Variants in SP110 observed in about 807,000 individuals in gnomAD.
The protein encoded by SP110 is SP110 nuclear body protein, also known as interferon-induced protein 41, 30kD.
In SP110, 62 loss-of-function variants were observed where a neutral mutation model predicts 92.7. The observed-to-expected ratio is 0.67, with a 90% CI of 0.55 to 0.83. The LOEUF (loss-of-function observed/expected upper bound fraction) is 0.83, where lower values mean the gene tolerates loss of function less well. Among genes scored for constraint, SP110 ranks in the 40% least tolerant of loss-of-function variants. SP110 has a pLI of 0.00. For synonymous variants in SP110, 273 were observed against 305.3 expected (o/e 0.89, Z 1.10); for missense variants, 793 against 863.9 (o/e 0.92, Z 1.03).
intron 2 of SP110, among the ~76,000 whole-genome samples, chr2:230,216,510 T>A (rs556304529): frequency 6.6e-6 from 1 of 152,350 alleles, no homozygotes; most frequent in Non-Finnish European, 1.5e-5. Flanking sequence ...GATTTTGGAC[T>A]TCTGGCCTCC....
In SP110 at chr2:230,179,404, C is replaced by G. The variant is rs117199125; in HGVS notation, c.1349-1149G>C. Among the ~76,000 whole-genome samples, 1,223 of 149,646 alleles carry G rather than the reference C, an allele frequency of 8.2e-3. 11 individuals are homozygous for G. Among genetic ancestry groups the G allele is most frequent in the African/African-American group, 0.023 (928 of 40,590 alleles). On this transcript the variant is annotated intron_variant, in intron 12 of 18. Coordinates refer to ENST00000258381, the MANE Select transcript of SP110 (RefSeq NM_080424.4). ...AGCCAGCCCTCTTGCATGGAGTGGC[C>G]AGCTCCACCATTTGTCTCTAGACTC...
chr2:230,211,433 C>A lies in SP110; in HGVS notation c.751+37G>T. On this transcript the variant is annotated intron_variant, in intron 6 of 18. Coordinates refer to ENST00000258381, the MANE Select transcript of SP110 (RefSeq NM_080424.4). This position sits in a 1 kb window ranked among gnomAD's most constrained non-coding sequence, Gnocchi z 4.2. ...CTTTTCCTCTTAGTAAACACAGAAACAAAGGCAAGCTTTTAGGTTGACCAA... is the reference window on the plus strand; with the variant it reads ...CTTTTCCTCTTAGTAAACACAGAAAAAAAGGCAAGCTTTTAGGTTGACCAA... The A allele has an allele frequency of 7.6e-7, 1 of 1,320,076 alleles. No homozygotes were observed. The highest frequency in any genetic ancestry group is 1.1e-6 in the Non-Finnish European group (1 of 911,770). The allele number at this position is 1,320,076 out of a possible 1,614,324, so 81.8% of individuals were successfully genotyped here.
intron 14 of SP110, among the ~76,000 whole-genome samples, chr2:230,176,089 G>A (rs2041846692): frequency 6.6e-6 from 1 of 151,976 alleles, no homozygotes; most frequent in African/African-American, 2.4e-5. Context: ...GACTACAGGT[G>A]CATGCCACCA....
intron 7 of SP110, among the ~76,000 whole-genome samples, chr2:230,208,679 T>C (rs1455447471): frequency 1.3e-5 from 2 of 152,134 alleles, no homozygotes; most frequent in Non-Finnish European, 2.9e-5. Flanking sequence ...TTGCAGGAAG[T>C]AGCATTGTCA....
chr2:230,215,963 G>A (rs948384634), intron 2 of SP110, among the ~76,000 whole-genome samples: 2 of 152,156 alleles, frequency 1.3e-5, no homozygotes, highest in Non-Finnish European at 2.9e-5. Flanking sequence ...GAGGGAGTTG[G>A]GGCCAACCAG....
At chr2:230,221,198 T>C (rs1264815164), upstream of SP110, among the ~76,000 whole-genome samples, 1 of 151,774 alleles carries the variant, frequency 6.6e-6, no homozygotes, top group East Asian at 1.9e-4. Flanking sequence ...GGAGAATTGC[T>C]TGAACCCAGG....
chr2:230,214,917 T>G, intron 3 of SP110, 33 bp downstream of exon 3: 1 of 1,599,830 alleles, frequency 6.3e-7, no homozygotes, highest in East Asian at 2.2e-5. Context: ...AGCAACTTTT[T>G]AAATGCAAAA....
intron 12 of SP110, among the ~76,000 whole-genome samples, chr2:230,179,516 G>C (rs55906022): frequency 0.19 from 27,866 of 147,244 alleles, 3,121 homozygotes; most frequent in African/African-American, 0.29. Flanking sequence ...GGAGGGGCTT[G>C]TAATCCTGGC....
At chr2:230,192,380 A>G (rs550624963) in intron 10 of SP110, among the ~76,000 whole-genome samples, 1 of 152,334 alleles carries the variant, frequency 6.6e-6, no homozygotes, top group Non-Finnish European at 1.5e-5. Context: ...ATATACTTAG[A>G]AAACCCCATC....
rs1474040043 is a variant in SP110, at chr2:230,172,099, G to T, written c.1782C>A (p.Thr594=). The change falls in exon 16 of 19, where the codon ACC becomes ACA. Residue 594 remains threonine, a synonymous_variant. Transcript: ENST00000258381. The part of the protein sequence containing the change: ...GSQQCHHVSK[T]LERQMQPQDQ... ...CCTGAGGCTGCATCTGCCTCTCCAG[G>T]GTCTTAGATACATGATGGCACTGTT... 1 of 1,612,580 alleles carries T rather than the reference G, an allele frequency of 6.2e-7. No individual in the cohort carries two copies.
Position 230,212,333 on chromosome 2 carries a change from C to T in SP110, c.667+14G>A. ...CACCTTGAGCTAAGCGGTATCAGCC[C>T]CAGTCAGTGTTACCTTGCACAGTGC... On this transcript the variant is annotated intron_variant, in intron 5 of 18. Coordinates refer to ENST00000258381, the MANE Select transcript of SP110 (RefSeq NM_080424.4). The T allele has an allele frequency of 6.3e-7, 1 of 1,590,662 alleles. No individual in the cohort carries two copies.
chr2:230,200,660 G>C (rs2043088697), intron 10 of SP110: 4 of 581,134 alleles, frequency 6.9e-6, no homozygotes, highest in Non-Finnish European at 1.2e-5. Flanking sequence ...CTTATATAGT[G>C]CAGATATACA....
At chr2:230,222,837 A>T (rs1221470330), upstream of SP110, among the ~76,000 whole-genome samples, 2 of 142,144 alleles carry the variant, frequency 1.4e-5, no homozygotes, top group Admixed American at 1.4e-4. Context: ...CGTGTGTATT[A>T]AAGTTTTTTT....
intron 14 of SP110, chr2:230,177,265 T>C: frequency 2.1e-6 from 1 of 468,270 alleles, no homozygotes. Flanking sequence ...TCAGCTAGTT[T>C]CTTTTTAGGT....
chr2:230,210,713 T>C (rs73102206), intron 6 of SP110, among the ~76,000 whole-genome samples: 167 of 152,352 alleles, frequency 1.1e-3, no homozygotes, highest in African/African-American at 3.8e-3. Flanking sequence ...TAAAGGCTCA[T>C]CTCACATGAA....
At chr2:230,186,596 G>A (rs1248697561) in intron 10 of SP110, among the ~76,000 whole-genome samples, 1 of 152,120 alleles carries the variant, frequency 6.6e-6, no homozygotes, top group Non-Finnish European at 1.5e-5. Flanking sequence ...AGACTTTAGT[G>A]CACTCTTCGT....
chr2:230,182,033 A>C (rs994402561), intron 12 of SP110, among the ~76,000 whole-genome samples: 2 of 152,262 alleles, frequency 1.3e-5, no homozygotes, highest in Non-Finnish European at 2.9e-5. Flanking sequence ...ACTATTCACA[A>C]TAGCAAAGAC....
intron 17 of SP110, among the ~76,000 whole-genome samples, chr2:230,171,195 C>T (rs968353215): frequency 2.6e-5 from 4 of 152,156 alleles, no homozygotes; most frequent in East Asian, 1.9e-4. Flanking sequence ...TGGGTTCAAG[C>T]GATTCTCCTG....
rs1173601602 is a variant in SP110, at chr2:230,167,327, GT to G, written c.*1796del. 1 of 148,348 alleles carries G rather than the reference GT, an allele frequency of 6.7e-6. No homozygotes were observed. The highest frequency in any genetic ancestry group is 1.5e-5 in the Non-Finnish European group (1 of 67,760). 9.2% of individuals were successfully genotyped at this position (148,348 alleles called of 1,614,324 possible). On this transcript the variant is annotated 3_prime_UTR_variant, in exon 19 of 19. Transcript: ENST00000258381. The stretch of plus-strand genomic sequence containing the variant: ...AGGTTTTGCCATGTTACCCAGGCTG[GT>G]CTTCAACTCCTGGACTCAAGCGATC...
Sources: gnomAD v4.1 joint callset for allele counts (sites outside exome capture counted in the v4.1 genomes callset) on GRCh38, gnomAD v4.1.1 for gene constraint, Gnocchi (gnomAD v3.1) non-coding constraint, MANE v1.5 for transcripts, NCBI Gene and HGNC (gene_info 2026-07-23, HGNC 2026-07-21) for gene names.